Variants in MRPS6 observed in about 807,000 individuals in gnomAD.
MRPS6 encodes small ribosomal subunit protein bS6m.
MRPS6 carries 6 observed loss-of-function variants against 13.1 expected under a neutral mutation model. That is an observed-to-expected ratio of 0.46 (90% confidence interval 0.25 to 0.91). The LOEUF (loss-of-function observed/expected upper bound fraction) is 0.91, where lower values mean the gene tolerates loss of function less well. Among genes scored for constraint, MRPS6 ranks in the 40% least tolerant of loss-of-function variants. The pLI is 0.18. For missense variants in MRPS6, 164 were observed against 155.6 expected, an observed-to-expected ratio of 1.05 and a Z score of -0.29; for synonymous variants, 61 against 56.5, an observed-to-expected ratio of 1.08 and a Z score of -0.36.
At chr21:34,136,278 G>C (rs1374395537) in intron 2 of MRPS6, among the ~76,000 whole-genome samples, 1 of 152,108 alleles carries the variant, frequency 6.6e-6, no homozygotes, top group Admixed American at 6.5e-5. Context: ...CTCCCAAGTA[G>C]CTGGGATTAC....
At chr21:34,102,105 T>C (rs977243250) in intron 1 of MRPS6, 63 of 1,000,042 alleles carry the variant, frequency 6.3e-5, no homozygotes, top group Non-Finnish European at 7.5e-5. Context: ...CAAATCTTTT[T>C]CTTCTGTCAA....
chr21:34,079,585 G>A (rs922012300), intron 1 of MRPS6, among the ~76,000 whole-genome samples: 3 of 145,306 alleles, frequency 2.1e-5, no homozygotes, highest in South Asian at 2.2e-4. Context: ...ACAGGCATGC[G>A]CCACCAGACC....
intron 2 of MRPS6, among the ~76,000 whole-genome samples, chr21:34,138,504 A>G (rs1410276292): frequency 6.6e-6 from 1 of 152,070 alleles, no homozygotes; most frequent in Admixed American, 6.6e-5. Flanking sequence ...GAAAAAAACA[A>G]CCCCATCAAA....
In MRPS6 at chr21:34,096,374, C is replaced by G; in HGVS notation, c.45+22629C>G. On this transcript the variant is annotated intron_variant, in intron 1 of 2. Coordinates refer to ENST00000399312, the MANE Select transcript of MRPS6 (RefSeq NM_032476.4). This position sits in a 1 kb window ranked among gnomAD's most constrained non-coding sequence, Gnocchi z 5.9. ...ACAGTGCCAGTACCATATTCACCCT[C>G]GATGTGTACAAACTTATCCGCAAGA... The G allele has an allele frequency of 6.2e-7, 1 of 1,614,144 alleles. No homozygotes were observed. Among genetic ancestry groups the G allele is most frequent in the Non-Finnish European group, 8.5e-7 (1 of 1,180,016 alleles).
chr21:34,075,299 C>A (rs1989300966), intron 1 of MRPS6, among the ~76,000 whole-genome samples: 1 of 152,180 alleles, frequency 6.6e-6, no homozygotes, highest in Non-Finnish European at 1.5e-5. Context: ...CATTCTGTAA[C>A]CCTTTGAAAC....
intron 1 of MRPS6, among the ~76,000 whole-genome samples, chr21:34,106,878 C>T (rs532615637): frequency 2.6e-5 from 4 of 152,230 alleles, no homozygotes; most frequent in Admixed American, 6.5e-5. Context: ...ATGTCTTTTG[C>T]CCCCTTTAAT....
At chr21:34,080,418 T>C (rs1162059301) in intron 1 of MRPS6, among the ~76,000 whole-genome samples, 1 of 152,216 alleles carries the variant, frequency 6.6e-6, no homozygotes, top group East Asian at 1.9e-4. Context: ...CAGATTCTTA[T>C]AAATACCATT....
In MRPS6 at chr21:34,096,355, C is replaced by T; in HGVS notation, c.45+22610C>T. The T allele has an allele frequency of 6.2e-7, 1 of 1,614,108 alleles. No homozygotes were observed. Among genetic ancestry groups the T allele is most frequent in the Non-Finnish European group, 8.5e-7 (1 of 1,180,006 alleles). ...GACTTAGACTCTATCTTTAACAGTG[C>T]CAGTACCATATTCACCCTCGATGTG... is the stretch of plus-strand genomic sequence containing the variant. On this transcript the variant is annotated intron_variant, in intron 1 of 2. Transcript: ENST00000399312. This position sits in a 1 kb window ranked among gnomAD's most constrained non-coding sequence, Gnocchi z 5.9.
intron 1 of MRPS6, chr21:34,098,683 T>G: frequency 1.0e-6 from 1 of 1,000,218 alleles, no homozygotes; most frequent in Middle Eastern, 5.2e-4. Flanking sequence ...TAGTGTGTCT[T>G]GTGGAGGGTA....
intron 1 of MRPS6, chr21:34,095,822 C>A: frequency 6.2e-7 from 1 of 1,613,916 alleles, no homozygotes; most frequent in African/African-American, 1.3e-5. Flanking sequence ...TGGAGATTGG[C>A]GGGTTTGAGG....
At chr21:34,126,823 T>A (rs1602960336) in intron 2 of MRPS6, among the ~76,000 whole-genome samples, 1 of 152,140 alleles carries the variant, frequency 6.6e-6, no homozygotes, top group South Asian at 2.1e-4. Context: ...TTGTTGAGAG[T>A]TGGCATGACC....
intron 2 of MRPS6, among the ~76,000 whole-genome samples, chr21:34,129,645 C>G (rs550982368): frequency 6.6e-6 from 1 of 152,264 alleles, no homozygotes; most frequent in Admixed American, 6.5e-5. Flanking sequence ...ACTCGCTTCC[C>G]AAATGTGTCT....
chr21:34,097,435 C>T, intron 1 of MRPS6: 3 of 1,504,948 alleles, frequency 2.0e-6, no homozygotes, highest in East Asian at 2.3e-5. Flanking sequence ...CTGTGCATCT[C>T]TCAGGCATTG....
At chr21:34,120,646 A>G (rs1980084378) in intron 1 of MRPS6, among the ~76,000 whole-genome samples, 1 of 152,180 alleles carries the variant, frequency 6.6e-6, no homozygotes, top group Non-Finnish European at 1.5e-5. Context: ...ATAGTACTTT[A>G]TCTTACCTAA....
chr21:34,130,272 A>C (rs892663679), intron 2 of MRPS6, among the ~76,000 whole-genome samples: 1 of 152,250 alleles, frequency 6.6e-6, no homozygotes, highest in African/African-American at 2.4e-5. Flanking sequence ...GGTTAAGACA[A>C]AAGTGAATAA....
intron 1 of MRPS6, chr21:34,099,122 G>A (rs1979112299): frequency 2.0e-6 from 2 of 999,624 alleles, no homozygotes; most frequent in South Asian, 9.4e-5. Flanking sequence ...GAAGGACTGA[G>A]TCTGTAAATG....
intron 1 of MRPS6, among the ~76,000 whole-genome samples, chr21:34,090,400 T>A (rs2409511): frequency 1 from 152,364 of 152,364 alleles, 76,182 homozygotes; most frequent in Non-Finnish European, 1. Flanking sequence ...AGCATGTATG[T>A]AAAGTCTTAA....
chr21:34,090,548 A>G (rs531420802), intron 1 of MRPS6, among the ~76,000 whole-genome samples: 14 of 152,334 alleles, frequency 9.2e-5, no homozygotes, highest in Admixed American at 2.6e-4. Flanking sequence ...TAATCTTTCT[A>G]TATATAAATA....
At chr21:34,092,225 G>A (rs1041625257) in intron 1 of MRPS6, among the ~76,000 whole-genome samples, 2 of 152,174 alleles carry the variant, frequency 1.3e-5, no homozygotes, top group African/African-American at 4.8e-5. Context: ...TGTGACTAGA[G>A]TGTAAAATAT....
Sources: allele counts gnomAD v4.1 joint callset (sites outside exome capture counted in the v4.1 genomes callset), GRCh38; gene constraint gnomAD v4.1.1; non-coding constraint Gnocchi (gnomAD v3.1); transcripts MANE v1.5; gene names NCBI Gene and HGNC (gene_info 2026-07-23, HGNC 2026-07-21).